MUSTN1: variants seen among roughly 807,000 people sequenced by gnomAD.
MUSTN1 encodes the protein musculoskeletal, embryonic nuclear protein 1, also known as musculoskeletal embryonic nuclear protein 1.
MUSTN1 carries 14 observed loss-of-function variants against 11.8 expected under a neutral mutation model. The observed-to-expected ratio is 1.18, with a 90% CI of 0.78 to 1.85. The LOEUF (loss-of-function observed/expected upper bound fraction) is 1.85, where lower values mean the gene tolerates loss of function less well. Among genes scored for constraint, MUSTN1 ranks in the 40% most tolerant of loss-of-function variants. The pLI, the probability that MUSTN1 is intolerant of heterozygous loss-of-function variation, is 0.00. For synonymous variants in MUSTN1, 42 were observed against 43.3 expected (o/e 0.97, Z 0.12); for missense variants, 111 against 108.8 (o/e 1.02, Z -0.09).
In MUSTN1 at chr3:52,833,156, C is replaced by T. The variant is rs1465324728; in HGVS notation, c.*168G>A. The T allele has an allele frequency of 3.0e-6, 3 of 1,012,620 alleles. No homozygotes were observed. The highest frequency in any genetic ancestry group is 2.7e-5 in the South Asian group (2 of 73,654). The allele number at this position is 1,012,620 out of a possible 1,614,324, so 62.7% of individuals were successfully genotyped here. ...CACGTGGGCATCCTCTTTATTGGTG[C>T]TTCCAAGGTGCTGGTGCAGAGCCCT... is the stretch of plus-strand genomic sequence containing the variant. On this transcript the variant is annotated 3_prime_UTR_variant, in exon 3 of 3. Transcript: ENST00000446157.
Position 52,833,689 on chromosome 3 carries a change from T to C in MUSTN1, c.70A>G (p.Lys24Glu), listed in dbSNP as rs1209741358. 6.2e-7 allele frequency: 1 copy of C among 1,600,764 alleles called. No individual in the cohort carries two copies. Among genetic ancestry groups the C allele is most frequent in the East Asian group, 2.3e-5 (1 of 44,416 alleles). ...TTGGTCAGGTTTCCTCGGGCCCCCT[T>C]CAGGTCCTCGTCCTTCACAGGGGGG... Reference protein sequence around the residue: ...KRPPVKDEDLKGARGNLTKNQ... With the variant: ...KRPPVKDEDLEGARGNLTKNQ... Residue 24 changes from lysine to glutamate, a missense_variant, in exon 2 of 3, where the codon AAG becomes GAG. Lys to Glu is a moderately conservative substitution (Grantham distance 56). Coordinates refer to ENST00000446157, the MANE Select transcript of MUSTN1 (RefSeq NM_205853.4).
At chr3:52,834,601 A>G in intron 1 of MUSTN1, 1 of 553,712 alleles carries the variant, frequency 1.8e-6, no homozygotes, top group Non-Finnish European at 3.2e-6. Flanking sequence ...CCATAGCTAC[A>G]AATGCACAAA....
rs1373367553 is a variant in MUSTN1, at chr3:52,835,013, A to G, written c.-65T>C. 6.2e-7 allele frequency: 1 copy of G among 1,604,588 alleles called. No individual in the cohort carries two copies. Among genetic ancestry groups the G allele is most frequent in the Non-Finnish European group, 8.5e-7 (1 of 1,174,520 alleles). ...CTCTGGCAGGCAGCAGCTGCTGGAA[A>G]AGATCTGAGTGGAGCCCAGCCTTCT... On this transcript the variant is annotated 5_prime_UTR_variant, in exon 1 of 3. Transcript: ENST00000446157.
In MUSTN1 at chr3:52,833,196, G is replaced by A. The variant is rs752402226; in HGVS notation, c.*128C>T. The A allele has an allele frequency of 2.9e-6, 4 of 1,386,200 alleles. No individual in the cohort carries two copies. In the East Asian group the frequency reaches 1.0e-4, roughly 35 times the overall value. 85.9% of individuals were successfully genotyped at this position (1,386,200 alleles called of 1,614,324 possible). A position where few individuals can be genotyped will look rare whatever the true frequency, so the allele number is the denominator to read the frequency against. On this transcript the variant is annotated 3_prime_UTR_variant, in exon 3 of 3. Coordinates refer to ENST00000446157, the MANE Select transcript of MUSTN1 (RefSeq NM_205853.4). ...TGCAGAGCCCTTGGCTGAAGGGCCT[G>A]GACTGTGGGGGAGGGTGGCAGCCCC...
chr3:52,834,902 C>T (rs751687717), intron 1 of MUSTN1, 38 bp downstream of exon 1: 2 of 1,611,712 alleles, frequency 1.2e-6, no homozygotes, highest in Non-Finnish European at 1.7e-6. Context: ...ACCTCCACTC[C>T]CTCTGGCATC....
chr3:52,834,835 C>A, intron 1 of MUSTN1, 105 bp downstream of exon 1: 1 of 1,389,064 alleles, frequency 7.2e-7, no homozygotes, highest in Admixed American at 2.0e-5. Flanking sequence ...GCCTCCAGTT[C>A]ATGCTTGGGG....
chr3:52,834,758 A>G, intron 1 of MUSTN1, 182 bp downstream of exon 1: 1 of 760,508 alleles, frequency 1.3e-6, no homozygotes, highest in African/African-American at 1.7e-5. Flanking sequence ...GAATACCACC[A>G]AAGCCACATA....
In MUSTN1 at chr3:52,834,801, C is replaced by CA. The variant is rs1188019711; in HGVS notation, c.9+138_9+139insT. On this transcript the variant is annotated intron_variant, in intron 1 of 2. Transcript: ENST00000446157. ...GGTTCTTCAGGGGGTCCTCCCTGAG[C>CA]CCCCATCTCCCAAGGGCTGCAGAGC... The CA allele has an allele frequency of 4.9e-6, 5 of 1,011,836 alleles. No individual in the cohort carries two copies. The African/African-American group carries it at 6.4e-5, about 13-fold the overall frequency. The allele number at this position is 1,011,836 out of a possible 1,614,324, so 62.7% of individuals were successfully genotyped here.
intron 1 of MUSTN1, 164 bp downstream of exon 1, chr3:52,834,776 G>A: frequency 1.2e-6 from 1 of 807,438 alleles, no homozygotes; most frequent in Non-Finnish European, 2.1e-6. Flanking sequence ...ATAGAAGAGG[G>A]GTTCTTCAGG....
chr3:52,833,840 G>A (rs1700644069), intron 1 of MUSTN1, 91 bp from the exon 2 acceptor site: 1 of 1,499,046 alleles, frequency 6.7e-7, no homozygotes, highest in African/African-American at 1.4e-5. Flanking sequence ...CCTCTTCTCT[G>A]CTCATTAAAC....
rs772237709 is a variant in MUSTN1 at position 52,833,626 on chromosome 3, G to A, written c.133C>T (p.Arg45Ter). Residue 45 changes from arginine to a stop codon, truncating the protein, a stop_gained, in exon 2 of 3, where the codon CGA becomes TGA. Transcript: ENST00000446157. LOFTEE classifies it high-confidence loss of function. ...GCATGAGGACACTCACCACACTCTC[G>A]CATGACCTGGTAGGTCTTGGACTTG... ...EIKSKTYQVM[R>*]ECEQAGSAAP... 7.5e-6 allele frequency: 12 copies of A among 1,610,288 alleles called. No homozygotes were observed. The highest frequency in any genetic ancestry group is 5.4e-5 in the African/African-American group (4 of 74,744).
In MUSTN1 at chr3:52,833,377, CG is replaced by C. The variant is rs759817439; in HGVS notation, c.195del (p.Glu66ArgfsTer?). 31 of 1,613,822 alleles carry C rather than the reference CG, an allele frequency of 1.9e-5. No individual in the cohort carries two copies. Among genetic ancestry groups the C allele is most frequent in the Non-Finnish European group, 2.3e-5 (27 of 1,179,884 alleles). ...GCTTTGGGCTTCTCAAAGACAGTCT[CG>C]GTACCTGTGCGGGTGCGGCTGAACA... Reference protein sequence around the residue: ...PSVFSRTRTGTETVFEKPKAG... With the variant: ...PSVFSRTRTGXETVFEKPKAG... On this transcript the variant is annotated frameshift_variant, in exon 3 of 3. Transcript: ENST00000446157. LOFTEE classifies it high-confidence loss of function.
chr3:52,833,497 G>A lies in MUSTN1; in HGVS notation c.143-67C>T. On this transcript the variant is annotated intron_variant, in intron 2 of 2. Transcript: ENST00000446157. ...GGAGGGAAGATCCCTTACGATGGGA[G>A]CACCTTTCTTGAACCCAGGAATACT... 2.5e-6 allele frequency: 4 copies of A among 1,591,134 alleles called. No individual in the cohort carries two copies. The South Asian group carries it at 3.4e-5, about 14-fold the overall frequency.
In MUSTN1 at chr3:52,834,988, C is replaced by T. The variant is rs373874980; in HGVS notation, c.-40G>A. On this transcript the variant is annotated 5_prime_UTR_variant, in exon 1 of 3. Coordinates refer to ENST00000446157, the MANE Select transcript of MUSTN1 (RefSeq NM_205853.4). Reference sequence around the variant, plus strand: ...AAGCGCTGGGTCTCTGAAGGCGCCTCTCTGGCAGGCAGCAGCTGCTGGAAA... The same window carrying T: ...AAGCGCTGGGTCTCTGAAGGCGCCTTTCTGGCAGGCAGCAGCTGCTGGAAA... 7 of 1,612,654 alleles carry T rather than the reference C, an allele frequency of 4.3e-6. No individual in the cohort carries two copies. The East Asian group carries it at 1.3e-4, about 31-fold the overall frequency.
Position 52,833,329 on chromosome 3 carries a change from C to T in MUSTN1, c.244G>A (p.Gly82Ser), listed in dbSNP as rs768190343. 74 of 1,613,694 alleles carry T rather than the reference C, an allele frequency of 4.6e-5. No homozygotes were observed. Among genetic ancestry groups the T allele is most frequent in the Admixed American group, 1.5e-4 (9 of 60,000 alleles). Reference protein sequence around the residue: ...PKAGPTKSVFG With the variant: ...PKAGPTKSVFS ...AGGGGAGTGGCGCACACTTCTCAGC[C>T]GAAGACACTCTTGGTGGGTCCGGCT... Residue 82 changes from glycine to serine, a missense_variant, in exon 3 of 3, where the codon GGC (glycine) becomes AGC (serine). By Grantham distance (56) the Gly-to-Ser change is moderately conservative. Coordinates refer to ENST00000446157, the MANE Select transcript of MUSTN1 (RefSeq NM_205853.4).
intron 1 of MUSTN1, 125 bp downstream of exon 1, chr3:52,834,815 G>T: frequency 8.3e-7 from 1 of 1,200,206 alleles, no homozygotes; most frequent in Non-Finnish European, 1.2e-6. Context: ...CATCTCCCAA[G>T]GGCTGCAGAG....
rs1030360418 is a variant in MUSTN1, at chr3:52,833,406, G to A, written c.167C>T (p.Ser56Leu). 2.4e-5 allele frequency: 38 copies of A among 1,613,266 alleles called. No homozygotes were observed. The highest frequency in any genetic ancestry group is 1.7e-4 in the African/African-American group (13 of 74,866). Residue 56 changes from serine to leucine, a missense_variant, in exon 3 of 3, where the codon TCG becomes TTG. Physicochemically the swap from Ser to Leu is moderately radical, Grantham distance 145. Transcript: ENST00000446157. ...ACCTGTGCGGGTGCGGCTGAACACC[G>A]ACGGGGCGGCCGAGCCAGCTTGCTC... ...ECEQAGSAAP[S>L]VFSRTRTGTE...
rs200328810 is a variant in MUSTN1 at position 52,833,349 on chromosome 3, C to A, written c.224G>T (p.Gly75Val). 131 of 1,613,906 alleles carry A rather than the reference C, an allele frequency of 8.1e-5. No homozygotes were observed. Among genetic ancestry groups the A allele is most frequent in the South Asian group, 7.7e-5 (7 of 91,070 alleles). The change falls in exon 3 of 3, where the codon GGA becomes GTA. Residue 75 changes from glycine (G) to valine (V), a missense_variant. Transcript: ENST00000446157. ...TETVFEKPKA[G>V]PTKSVFG ...TCAGCCGAAGACACTCTTGGTGGGT[C>A]CGGCTTTGGGCTTCTCAAAGACAGT...
Position 52,833,152 on chromosome 3 carries a change from G to T in MUSTN1, c.*172C>A. ...GGGCCACGTGGGCATCCTCTTTATTGGTGCTTCCAAGGTGCTGGTGCAGAG... is the reference window on the plus strand; with the variant it reads ...GGGCCACGTGGGCATCCTCTTTATTTGTGCTTCCAAGGTGCTGGTGCAGAG... On this transcript the variant is annotated 3_prime_UTR_variant, in exon 3 of 3. Coordinates refer to ENST00000446157, the MANE Select transcript of MUSTN1 (RefSeq NM_205853.4). The T allele has an allele frequency of 1.0e-6, 1 of 974,650 alleles. No individual in the cohort carries two copies. The highest frequency in any genetic ancestry group is 1.6e-6 in the Non-Finnish European group (1 of 631,378). The allele number at this position is 974,650 out of a possible 1,614,324, so 60.4% of individuals were successfully genotyped here. A position where few individuals can be genotyped will look rare whatever the true frequency, so the allele number is the denominator to read the frequency against.
Sources: gnomAD v4.1 joint callset for allele counts on GRCh38, gnomAD v4.1.1 for gene constraint, MANE v1.5 for transcripts, NCBI Gene and HGNC (gene_info 2026-07-23, HGNC 2026-07-21) for gene names.